LIPF: variants seen among roughly 807,000 people sequenced by gnomAD.
The protein encoded by LIPF is gastric triacylglycerol lipase.
In LIPF, 25 loss-of-function variants were observed where a neutral mutation model predicts 38.0. The ratio of observed to expected loss-of-function variants is 0.66; its 90% CI spans 0.48 to 0.92. The LOEUF (loss-of-function observed/expected upper bound fraction) is 0.92, where lower values mean the gene tolerates loss of function less well. Ranked by LOEUF, LIPF falls within the 40% of genes least tolerant of loss-of-function variation. The probability of loss-of-function intolerance (pLI) is 0.00; values close to 1 mark genes in which losing one functional copy is unlikely to be tolerated. For missense variants in LIPF, 410 were observed against 469.9 expected, an observed-to-expected ratio of 0.87 and a Z score of 1.18; for synonymous variants, 161 against 156.2, an observed-to-expected ratio of 1.03 and a Z score of -0.23.
At position 88,678,802 on chromosome 10, in the gene LIPF, T is replaced by G. The variant is rs1841729432; in HGVS notation, c.*121T>G. 6.1e-6 allele frequency: 4 copies of G among 651,900 alleles called. No homozygotes were observed. The East Asian group carries it at 1.1e-4, about 18-fold the overall frequency. 40.4% of individuals were successfully genotyped at this position (651,900 alleles called of 1,614,324 possible). A position where few individuals can be genotyped will look rare whatever the true frequency, so the allele number is the denominator to read the frequency against. On this transcript the variant is annotated 3_prime_UTR_variant, in exon 10 of 10. Coordinates refer to ENST00000238983, the MANE Select transcript of LIPF (RefSeq NM_004190.4). ...TGTAATTTTGACTTTAGAAATATAT[T>G]GGCATCAACAAACTTCCATTTGTCA... is the stretch of plus-strand genomic sequence containing the variant.
rs1171305448 is a variant in LIPF, at chr10:88,678,721, A to ACTT, written c.*41_*43dup. On this transcript the variant is annotated 3_prime_UTR_variant, in exon 10 of 10. Coordinates refer to ENST00000238983, the MANE Select transcript of LIPF (RefSeq NM_004190.4). ...AATTATCCGTTTGTTTTTCCAAAAT[A>ACTT]CTTTATTCTCTCATACATAGTATTT... The ACTT allele has an allele frequency of 2.2e-6, 3 of 1,335,548 alleles. No homozygotes were observed. The highest frequency in any genetic ancestry group is 3.2e-6 in the Non-Finnish European group (3 of 931,594). 82.7% of individuals were successfully genotyped at this position (1,335,548 alleles called of 1,614,324 possible).
intron 7 of LIPF, among the ~76,000 whole-genome samples, chr10:88,674,317 C>G (rs1048470020): frequency 6.6e-6 from 1 of 152,096 alleles, no homozygotes; most frequent in African/African-American, 2.4e-5. Flanking sequence ...TACAGGCGCC[C>G]GCCACCACGC....
intron 2 of LIPF, 26 bp from the exon 3 acceptor site, chr10:88,667,543 T>C (rs768977994): frequency 7.6e-7 from 1 of 1,316,342 alleles, no homozygotes; most frequent in Non-Finnish European, 1.1e-6. Flanking sequence ...CAACTAAAAT[T>C]TAAACTTTTG....
intron 4 of LIPF, chr10:88,668,968 G>A: frequency 2.0e-6 from 1 of 490,330 alleles, no homozygotes; most frequent in Non-Finnish European, 3.6e-6. Flanking sequence ...TCTCCATTAG[G>A]GATTTCCAGA....
chr10:88,670,345 A>C (rs1841575978), intron 5 of LIPF, among the ~76,000 whole-genome samples: 1 of 152,214 alleles, frequency 6.6e-6, no homozygotes. Flanking sequence ...TACTCTAGAG[A>C]TAGGAGGCAG....
rs761003550 is a variant in LIPF at position 88,667,389 on chromosome 10, T to G, written c.92T>G (p.Val31Gly). 6 of 1,587,520 alleles carry G rather than the reference T, an allele frequency of 3.8e-6. No homozygotes were observed. The highest frequency in any genetic ancestry group is 1.7e-5 in the Admixed American group (1 of 59,880). ...AAATTACATCCTGGAAGCCCTGAAG[T>G]GACTATGAACATTGTAAGTTACTCT... ...FGKLHPGSPEVTMNISQMITY... is the reference protein window; with the variant it reads ...FGKLHPGSPEGTMNISQMITY... The change falls in exon 2 of 10, where the codon GTG becomes GGG. Residue 31 changes from valine to glycine, a missense_variant. Val to Gly is a moderately radical substitution (Grantham distance 109). Transcript: ENST00000238983.
At position 88,678,510 on chromosome 10, in the gene LIPF, G is replaced by A; in HGVS notation, c.1026G>A (p.Lys342=). ...CAATTGCAGTGTGGAACGGTGGCAA[G>A]GACCTGTTGGCTGACCCCCAAGATG... ...NVPIAVWNGG[K]DLLADPQDVG... The change falls in exon 10 of 10, where the codon AAG becomes AAA. Residue 342 remains lysine, a synonymous_variant. Coordinates refer to ENST00000238983, the MANE Select transcript of LIPF (RefSeq NM_004190.4). 1 of 1,613,912 alleles carries A rather than the reference G, an allele frequency of 6.2e-7. No individual in the cohort carries two copies. The highest frequency in any genetic ancestry group is 8.5e-7 in the Non-Finnish European group (1 of 1,179,918).
In LIPF at chr10:88,673,746, T is replaced by C; in HGVS notation, c.816+12T>C. The C allele has an allele frequency of 6.3e-7, 1 of 1,599,318 alleles. No homozygotes were observed. The highest frequency in any genetic ancestry group is 8.5e-7 in the Non-Finnish European group (1 of 1,171,838). On this transcript the variant is annotated intron_variant, in intron 7 of 9. Coordinates refer to ENST00000238983, the MANE Select transcript of LIPF (RefSeq NM_004190.4). ...AGAACTTTAACACGGTTAGTATGCA[T>C]TTCAATTTCTATATTTTGAGCAACA... is the stretch of plus-strand genomic sequence containing the variant.
intron 7 of LIPF, 96 bp downstream of exon 7, chr10:88,673,830 G>T (rs769734306): frequency 2.2e-6 from 2 of 927,912 alleles, no homozygotes; most frequent in Non-Finnish European, 3.3e-6. Flanking sequence ...ACTAGGAGTA[G>T]GTTCAGAACT....
At chr10:88,669,250 G>T in intron 4 of LIPF, 1 of 158,402 alleles carries the variant, frequency 6.3e-6, no homozygotes, top group South Asian at 1.8e-4. Flanking sequence ...AACAAAACCT[G>T]GCTGCTGATG....
At chr10:88,673,163 T>C (rs1449651020) in intron 6 of LIPF, among the ~76,000 whole-genome samples, 1 of 152,212 alleles carries the variant, frequency 6.6e-6, no homozygotes, top group Non-Finnish European at 1.5e-5. Context: ...TCATTGCCTC[T>C]GTAAAGGCTT....
Position 88,673,696 on chromosome 10 carries a change from T to C in LIPF, c.778T>C (p.Phe260Leu). Residue 260 changes from phenylalanine (F) to leucine (L), a missense_variant, in exon 7 of 10, where the codon TTT becomes CTT. Phe to Leu is a conservative substitution (Grantham distance 22). Coordinates refer to ENST00000238983, the MANE Select transcript of LIPF (RefSeq NM_004190.4). Reference sequence around the variant, plus strand: ...GAATCTCCTTTGCAGCAATGCCTTATTTATAATTTGTGGATTTGACAGTAA... The same window carrying C: ...GAATCTCCTTTGCAGCAATGCCTTACTTATAATTTGTGGATTTGACAGTAA... ...MLNLLCSNAL[F>L]IICGFDSKNF... is the part of the protein sequence containing the mutation. The C allele has an allele frequency of 1.2e-6, 2 of 1,613,480 alleles. No homozygotes were observed. The highest frequency in any genetic ancestry group is 1.7e-6 in the Non-Finnish European group (2 of 1,179,524).
At chr10:88,672,954 C>T (rs974075133) in intron 6 of LIPF, among the ~76,000 whole-genome samples, 3 of 152,038 alleles carry the variant, frequency 2.0e-5, no homozygotes, top group South Asian at 2.1e-4. Context: ...GCAATGCAGA[C>T]GTAGATTAAA....
rs1231613504 is a variant in LIPF at position 88,676,271 on chromosome 10, C to T, written c.951C>T (p.His317=). ...GAAGCCCAGTTCAGAATAGGATGCA[C>T]TATGATCAGGTAAGCTTCTTAAAGA... The part of the protein sequence containing the change: ...DWGSPVQNRM[H]YDQSQPPYYN... Residue 317 remains histidine, a synonymous_variant, in exon 9 of 10, where the codon CAC becomes CAT. Coordinates refer to ENST00000238983, the MANE Select transcript of LIPF (RefSeq NM_004190.4). 6.3e-7 allele frequency: 1 copy of T among 1,598,172 alleles called. No homozygotes were observed. Among genetic ancestry groups the T allele is most frequent in the South Asian group, 1.1e-5 (1 of 89,392 alleles).
chr10:88,675,508 A>C (rs1841671081), intron 7 of LIPF, 78 bp from the exon 8 acceptor site: 1 of 1,076,828 alleles, frequency 9.3e-7, no homozygotes, highest in South Asian at 1.3e-5. Context: ...GAATCAGAAA[A>C]CATAAATCTT....
At chr10:88,673,793 G>A (rs1841642362) in intron 7 of LIPF, 59 bp downstream of exon 7, 2 of 1,419,434 alleles carry the variant, frequency 1.4e-6, no homozygotes, top group Non-Finnish European at 2.0e-6. Context: ...TTGTTTCATT[G>A]CCACTTAGAA....
chr10:88,665,869 A>G (rs1255342843), intron 1 of LIPF, among the ~76,000 whole-genome samples: 1 of 150,700 alleles, frequency 6.6e-6, no homozygotes, highest in Non-Finnish European at 1.5e-5. Flanking sequence ...CAGCCTCCCA[A>G]GTAGCTGAAA....
rs1400012752 is a variant in LIPF, at chr10:88,664,461, A to G, written c.-42A>G. ...TGACCAAAATACTAACCAGCCAGAG[A>G]AACAGAATCCTAACTATTTCTGAGG... On this transcript the variant is annotated 5_prime_UTR_variant, in exon 1 of 10. Coordinates refer to ENST00000238983, the MANE Select transcript of LIPF (RefSeq NM_004190.4). The G allele has an allele frequency of 6.5e-6, 1 of 152,848 alleles. No homozygotes were observed. Among genetic ancestry groups the G allele is most frequent in the Non-Finnish European group, 1.5e-5 (1 of 68,064 alleles). The allele number at this position is 152,848 out of a possible 1,614,324, so 9.5% of individuals were successfully genotyped here. A position where few individuals can be genotyped will look rare whatever the true frequency, so the allele number is the denominator to read the frequency against.
At chr10:88,665,151 C>T (rs567095422) in intron 1 of LIPF, among the ~76,000 whole-genome samples, 6 of 152,128 alleles carry the variant, frequency 3.9e-5, no homozygotes, top group East Asian at 3.9e-4. Flanking sequence ...TTTGGTTGGG[C>T]GAGTCCTCTT....
Sources: gnomAD v4.1 joint callset for allele counts (sites outside exome capture counted in the v4.1 genomes callset) on GRCh38, gnomAD v4.1.1 for gene constraint, MANE v1.5 for transcripts, NCBI Gene and HGNC (gene_info 2026-07-23, HGNC 2026-07-21) for gene names.